The following ADARB2 variants were observed in gnomAD, a reference collection of about 807,000 sequenced individuals.
The protein encoded by ADARB2 is adenosine deaminase RNA specific B2 (inactive), also known as inactive double-stranded RNA-specific editase B2.
ADARB2 carries 25 observed loss-of-function variants against 62.2 expected under a neutral mutation model. The ratio of observed to expected loss-of-function variants is 0.40; its 90% CI spans 0.29 to 0.56. The LOEUF (loss-of-function observed/expected upper bound fraction) is 0.56. Ranked by LOEUF, ADARB2 falls within the 20% of genes least tolerant of loss-of-function variation. The probability of loss-of-function intolerance (pLI) is 0.43; values close to 1 mark genes in which losing one functional copy is unlikely to be tolerated. For synonymous variants in ADARB2, 572 were observed against 500.8 expected (o/e 1.14, Z -1.90); for missense variants, 1,071 against 1,077.4 (o/e 0.99, Z 0.08).
chr10:1,332,940 A>G (rs964297231), intron 3 of ADARB2, among the ~76,000 whole-genome samples: 1 of 152,122 alleles, frequency 6.6e-6, no homozygotes, highest in African/African-American at 2.4e-5. Context: ...CCCGCAATCA[A>G]TGGGAGAGAC....
At chr10:1,270,828 A>T in intron 4 of ADARB2, 127 bp downstream of exon 4, 1 of 786,418 alleles carries the variant, frequency 1.3e-6, no homozygotes, top group Non-Finnish European at 2.1e-6. Context: ...ATATGCTATA[A>T]TATTTTGTCT....
intron 1 of ADARB2, among the ~76,000 whole-genome samples, chr10:1,641,743 C>T (rs747224057): frequency 1.1e-4 from 16 of 152,144 alleles, no homozygotes; most frequent in African/African-American, 2.4e-4. Context: ...CTGGGCGTGG[C>T]GGCTCACACC....
chr10:1,633,068 T>C (rs539447646), intron 1 of ADARB2, among the ~76,000 whole-genome samples: 26 of 152,282 alleles, frequency 1.7e-4, no homozygotes, highest in African/African-American at 6.0e-4. Context: ...ACTCCCGTGC[T>C]CCTGCTTCCT....
intron 1 of ADARB2, among the ~76,000 whole-genome samples, chr10:1,709,525 T>C (rs1264093746): frequency 6.6e-6 from 1 of 152,208 alleles, no homozygotes; most frequent in African/African-American, 2.4e-5. Context: ...CGGGCTTTCT[T>C]TTCCATTTTT....
chr10:1,398,266 G>A lies in ADARB2; in HGVS notation c.101-19106C>T, dbSNP rs1392770204. ...GGTCACCGTCCGTCTCTCCCCTCCC[G>A]AGTGCAGGCTTCCTGGGGCAGGGCT... On this transcript the variant is annotated intron_variant, in intron 1 of 9. Coordinates refer to ENST00000381312, the MANE Select transcript of ADARB2 (RefSeq NM_018702.4). The surrounding 1 kb of genome is among the most constrained non-coding windows in gnomAD (Gnocchi z 4.1). Among the ~76,000 whole-genome samples, 3 of 152,184 alleles carry A rather than the reference G, an allele frequency of 2.0e-5. No homozygotes were observed. Among genetic ancestry groups the A allele is most frequent in the African/African-American group, 4.8e-5 (2 of 41,450 alleles).
intron 3 of ADARB2, among the ~76,000 whole-genome samples, chr10:1,341,686 C>T (rs1251346629): frequency 6.6e-6 from 1 of 152,018 alleles, no homozygotes; most frequent in Non-Finnish European, 1.5e-5. Context: ...ACCACATGCC[C>T]CACAGCGGGG....
chr10:1,735,488 C>A (rs988718626), intron 1 of ADARB2, among the ~76,000 whole-genome samples: 2 of 152,144 alleles, frequency 1.3e-5, no homozygotes. Flanking sequence ...ATAGACTAAT[C>A]AAAAAATATT....
intron 7 of ADARB2, among the ~76,000 whole-genome samples, chr10:1,200,782 G>T (rs993310551): frequency 1.3e-5 from 2 of 152,156 alleles, no homozygotes; most frequent in Admixed American, 1.3e-4. Context: ...GTGGCAAGAG[G>T]TTCCATGTGT....
intron 1 of ADARB2, among the ~76,000 whole-genome samples, chr10:1,505,723 G>A (rs1030840496): frequency 3.3e-5 from 5 of 150,312 alleles, no homozygotes; most frequent in South Asian, 2.1e-4. Flanking sequence ...CCCCATGCCC[G>A]TGGTTCTGCC....
At chr10:1,311,875 A>C (rs550992541) in intron 3 of ADARB2, among the ~76,000 whole-genome samples, 5 of 152,216 alleles carry the variant, frequency 3.3e-5, no homozygotes, top group Non-Finnish European at 7.4e-5. Flanking sequence ...GGAGAATGTG[A>C]GTGTAATTTA....
chr10:1,610,607 G>A (rs543536508), intron 1 of ADARB2, among the ~76,000 whole-genome samples: 1 of 152,170 alleles, frequency 6.6e-6, no homozygotes, highest in African/African-American at 2.4e-5. Context: ...GGGCTTCCTC[G>A]TCAGAGCCCT....
intron 1 of ADARB2, among the ~76,000 whole-genome samples, chr10:1,383,834 C>T (rs936029520): frequency 8.5e-5 from 13 of 152,350 alleles, no homozygotes; most frequent in African/African-American, 3.1e-4. Flanking sequence ...GCAAAGGCTG[C>T]TTAAGGAGAT....
intron 1 of ADARB2, among the ~76,000 whole-genome samples, chr10:1,674,559 C>T (rs1588347822): frequency 2.0e-5 from 3 of 152,106 alleles, no homozygotes; most frequent in East Asian, 3.8e-4. Flanking sequence ...GTGCAGATAT[C>T]GTTGGCCAAA....
intron 1 of ADARB2, among the ~76,000 whole-genome samples, chr10:1,592,235 A>G (rs2813396): frequency 0.71 from 105,349 of 147,968 alleles, 38,174 homozygotes; most frequent in East Asian, 0.89. Flanking sequence ...GTGCCACATG[A>G]TCCCCTCTGT....
chr10:1,590,761 T>C (rs1833241810), intron 1 of ADARB2, among the ~76,000 whole-genome samples: 1 of 152,078 alleles, frequency 6.6e-6, no homozygotes, highest in African/African-American at 2.4e-5. Context: ...TGCAGGGGGT[T>C]GCTGGTGTGA....
At chr10:1,197,198 T>C (rs922473346) in intron 8 of ADARB2, among the ~76,000 whole-genome samples, 1 of 152,244 alleles carries the variant, frequency 6.6e-6, no homozygotes, top group Non-Finnish European at 1.5e-5. Context: ...TTATCATTAA[T>C]TTCAGAAATT....
chr10:1,530,229 A>G (rs1832213137), intron 1 of ADARB2, among the ~76,000 whole-genome samples: 1 of 152,142 alleles, frequency 6.6e-6, no homozygotes, highest in Admixed American at 6.5e-5. Context: ...CCCGACCGAA[A>G]CGCCCCTCTC....
intron 7 of ADARB2, among the ~76,000 whole-genome samples, chr10:1,205,759 G>A (rs1837047969): frequency 6.6e-6 from 1 of 152,274 alleles, no homozygotes; most frequent in Non-Finnish European, 1.5e-5. Context: ...GCGGATTCCT[G>A]TCGTGGGCCA....
At chr10:1,245,836 C>T (rs1830981474) in intron 4 of ADARB2, among the ~76,000 whole-genome samples, 1 of 151,838 alleles carries the variant, frequency 6.6e-6, no homozygotes, top group South Asian at 2.1e-4. Flanking sequence ...GATTTATAAT[C>T]CCTTGGGTAT....
Sources: gnomAD v4.1 joint callset for allele counts (sites outside exome capture counted in the v4.1 genomes callset) on GRCh38, gnomAD v4.1.1 for gene constraint, Gnocchi (gnomAD v3.1) non-coding constraint, MANE v1.5 for transcripts, NCBI Gene and HGNC (gene_info 2026-07-23, HGNC 2026-07-21) for gene names.